Variants in GLCCI1 observed in about 807,000 individuals in gnomAD.
GLCCI1 encodes glucocorticoid induced 1.
GLCCI1 carries 24 observed loss-of-function variants against 52.2 expected under a neutral mutation model. The observed-to-expected ratio is 0.46, with a 90% CI of 0.33 to 0.65. The LOEUF is 0.65. Ranked by LOEUF, GLCCI1 falls within the 30% of genes least tolerant of loss-of-function variation. GLCCI1 has a pLI of 0.02. For synonymous variants in GLCCI1, 310 were observed against 276.5 expected (o/e 1.12, Z -1.20); for missense variants, 704 against 701.5 (o/e 1.00, Z -0.04).
Position 7,981,858 on chromosome 7 carries a change from G to A in GLCCI1, c.457+12051G>A, listed in dbSNP as rs1780628679. 39 of 445,288 alleles carry A rather than the reference G, an allele frequency of 8.8e-5. 1 individual carries two copies. The highest frequency in any genetic ancestry group is 6.4e-4 in the South Asian group (39 of 60,860). The allele number at this position is 445,288 out of a possible 1,614,324, so 27.6% of individuals were successfully genotyped here. On this transcript the variant is annotated intron_variant, in intron 1 of 7. Transcript: ENST00000223145. Reference sequence around the variant, plus strand: ...GGCAAAATATAATGTTGTACTAGATGAGCAGGCAGAAGACTCCAAGTCAAG... The same window carrying A: ...GGCAAAATATAATGTTGTACTAGATAAGCAGGCAGAAGACTCCAAGTCAAG...
At chr7:8,024,286 T>G (rs1309836804) in intron 3 of GLCCI1, among the ~76,000 whole-genome samples, 3 of 152,198 alleles carry the variant, frequency 2.0e-5, no homozygotes, top group African/African-American at 7.2e-5. Context: ...CTTTATAGTA[T>G]GGATGTAGAG....
Position 8,004,084 on chromosome 7 carries a change from C to T in GLCCI1, c.609+25C>T, listed in dbSNP as rs773329803. On this transcript the variant is annotated intron_variant, in intron 2 of 7. Transcript: ENST00000223145. ...GGTAAAATCAGGAAATCAAAATCAG[C>T]TTATTACCCTGCACTTCTTCTGTTT... is the stretch of plus-strand genomic sequence containing the variant. The T allele has an allele frequency of 3.1e-6, 5 of 1,599,810 alleles. No individual in the cohort carries two copies. In the Admixed American group the frequency reaches 8.5e-5, roughly 27 times the overall value.
chr7:8,060,294 C>T (rs778209167), intron 5 of GLCCI1, 46 bp downstream of exon 5: 46 of 1,475,406 alleles, frequency 3.1e-5, no homozygotes, highest in Non-Finnish European at 3.8e-5. Context: ...TCTGATATAA[C>T]GAACTGTCTG....
chr7:8,032,189 A>G (rs559681101), intron 3 of GLCCI1, among the ~76,000 whole-genome samples: 2 of 152,170 alleles, frequency 1.3e-5, no homozygotes, highest in African/African-American at 4.8e-5. Context: ...CTAATAACCC[A>G]AGGATATTTT....
intron 2 of GLCCI1, among the ~76,000 whole-genome samples, chr7:8,015,428 G>A (rs1006401630): frequency 1.3e-5 from 2 of 152,166 alleles, no homozygotes; most frequent in African/African-American, 4.8e-5. Context: ...AGGGGCTGGG[G>A]GACTTCTTCA....
chr7:7,976,748 C>T (rs569327836), intron 1 of GLCCI1, among the ~76,000 whole-genome samples: 17 of 151,246 alleles, frequency 1.1e-4, no homozygotes, highest in Admixed American at 3.3e-4. Flanking sequence ...CTTGCCTCTG[C>T]GCAAAATATA....
At chr7:7,993,030 A>T (rs987384396) in intron 1 of GLCCI1, among the ~76,000 whole-genome samples, 2 of 152,044 alleles carry the variant, frequency 1.3e-5, no homozygotes, top group African/African-American at 4.8e-5. Flanking sequence ...CTTACTTTGA[A>T]ATATTAGGTC....
At chr7:8,040,068 C>T (rs1449098674) in intron 3 of GLCCI1, among the ~76,000 whole-genome samples, 1 of 151,452 alleles carries the variant, frequency 6.6e-6, no homozygotes, top group Non-Finnish European at 1.5e-5. Context: ...CTGCACTTTA[C>T]CCCCTAAATC....
chr7:8,046,883 A>G (rs1782141056), intron 3 of GLCCI1, among the ~76,000 whole-genome samples: 1 of 152,244 alleles, frequency 6.6e-6, no homozygotes, highest in Non-Finnish European at 1.5e-5. Context: ...TAGGAACTCC[A>G]GAATGTAAGA....
At chr7:8,068,858 GCTGA>G (rs1782691581) in intron 5 of GLCCI1, among the ~76,000 whole-genome samples, 1 of 152,172 alleles carries the variant, frequency 6.6e-6, no homozygotes, top group Non-Finnish European at 1.5e-5. Flanking sequence ...TTTATTTGTA[GCTGA>G]CTTATTGTCC....
chr7:7,991,984 A>G (rs1360010874), intron 1 of GLCCI1, among the ~76,000 whole-genome samples: 1 of 152,012 alleles, frequency 6.6e-6, no homozygotes, highest in Non-Finnish European at 1.5e-5. Context: ...CTTAGGGAGA[A>G]AACTTACCTC....
chr7:7,985,557 A>G (rs1780706854), intron 1 of GLCCI1, among the ~76,000 whole-genome samples: 1 of 151,908 alleles, frequency 6.6e-6, no homozygotes, highest in South Asian at 2.1e-4. Context: ...AAAACCAGTG[A>G]ACACCCAACT....
chr7:8,013,969 G>C (rs1019258625), intron 2 of GLCCI1, among the ~76,000 whole-genome samples: 7 of 147,764 alleles, frequency 4.7e-5, no homozygotes, highest in Non-Finnish European at 7.4e-5. Context: ...TAAACTAACA[G>C]TTATGGTACT....
At position 8,084,985 on chromosome 7, in the gene GLCCI1, A is replaced by G; in HGVS notation, c.1266A>G (p.Gly422=). 1.2e-6 allele frequency: 2 copies of G among 1,614,140 alleles called. No homozygotes were observed. The highest frequency in any genetic ancestry group is 4.5e-5 in the East Asian group (2 of 44,878). ...SYMFKREPPE[G]CERVKVFEEM... is the part of the protein sequence containing the mutation. The stretch of plus-strand genomic sequence containing the variant: ...TGTTCAAACGGGAGCCCCCAGAGGG[A>G]TGTGAGCGAGTGAAGGTCTTTGAGG... The change falls in exon 7 of 8, where the codon GGA becomes GGG. Residue 422 remains glycine, a synonymous_variant. Coordinates refer to ENST00000223145, the MANE Select transcript of GLCCI1 (RefSeq NM_138426.4).
intron 3 of GLCCI1, among the ~76,000 whole-genome samples, chr7:8,025,274 A>G (rs112621109): frequency 0.016 from 2,450 of 152,284 alleles, 57 homozygotes; most frequent in East Asian, 0.086. Context: ...AGGGAGGCAG[A>G]GCTTGCAGTG....
chr7:8,038,568 C>G (rs1236139835), intron 3 of GLCCI1, among the ~76,000 whole-genome samples: 3 of 152,110 alleles, frequency 2.0e-5, no homozygotes, highest in Non-Finnish European at 4.4e-5. Flanking sequence ...AAGAATGAAA[C>G]TGAACCTATA....
chr7:8,010,254 C>T (rs935924981), intron 2 of GLCCI1, among the ~76,000 whole-genome samples: 7 of 152,158 alleles, frequency 4.6e-5, no homozygotes, highest in African/African-American at 1.7e-4. Context: ...TGAATGTATT[C>T]AGTCTTAACA....
chr7:7,969,217 T>TC lies in GLCCI1; in HGVS notation c.-129dup, dbSNP rs1012560163. 3 of 568,224 alleles carry TC rather than the reference T, an allele frequency of 5.3e-6. No individual in the cohort carries two copies. The highest frequency in any genetic ancestry group is 6.9e-6 in the Non-Finnish European group (3 of 435,552). 35.2% of individuals were successfully genotyped at this position (568,224 alleles called of 1,614,324 possible). On this transcript the variant is annotated 5_prime_UTR_variant, in exon 1 of 8. Transcript: ENST00000223145. The surrounding 1 kb of genome is among the most constrained non-coding windows in gnomAD (Gnocchi z 4.9). ...TGGGGAGGGGGAGCCCCGAGACTCC[T>TC]CCCCCACAGCGATACCCCCGCCCCT...
At chr7:8,057,924 A>G (rs1782434584) in intron 4 of GLCCI1, among the ~76,000 whole-genome samples, 1 of 152,194 alleles carries the variant, frequency 6.6e-6, no homozygotes, top group Non-Finnish European at 1.5e-5. Context: ...TTGTAGGTGG[A>G]ATATGAAGTC....
Sources: allele counts gnomAD v4.1 joint callset (sites outside exome capture counted in the v4.1 genomes callset), GRCh38; gene constraint gnomAD v4.1.1; non-coding constraint Gnocchi (gnomAD v3.1); transcripts MANE v1.5; gene names NCBI Gene and HGNC (gene_info 2026-07-23, HGNC 2026-07-21).